Variants in KCNJ3 observed in about 807,000 individuals in gnomAD.
KCNJ3 encodes the protein potassium inwardly rectifying channel subfamily J member 3.
KCNJ3 carries 4 observed loss-of-function variants against 39.2 expected under a neutral mutation model. The observed-to-expected ratio is 0.10, with a 90% CI of 0.05 to 0.23. KCNJ3 has a LOEUF of 0.23. Among genes scored for constraint, KCNJ3 ranks in the 10% least tolerant of loss-of-function variants. The pLI is 1.00. For missense variants in KCNJ3, 276 were observed against 634.9 expected (o/e 0.43, Z 6.08); for synonymous variants, 230 against 237.4 (o/e 0.97, Z 0.29).
At chr2:154,839,661 G>A (rs1687539711) in intron 2 of KCNJ3, among the ~76,000 whole-genome samples, 1 of 152,166 alleles carries the variant, frequency 6.6e-6, no homozygotes, top group Non-Finnish European at 1.5e-5. Context: ...TTGTGGTTTT[G>A]ATTTGCATTT....
intron 2 of KCNJ3, among the ~76,000 whole-genome samples, chr2:154,794,706 T>C (rs1483562919): frequency 6.6e-6 from 1 of 152,062 alleles, no homozygotes. Context: ...TTTTGATGAA[T>C]ACTTCCATTT....
intron 2 of KCNJ3, among the ~76,000 whole-genome samples, chr2:154,751,782 T>C (rs2105182127): frequency 6.6e-6 from 1 of 152,164 alleles, no homozygotes; most frequent in South Asian, 2.1e-4. Context: ...GGCTGATTTC[T>C]TCTGAGGCCT....
At chr2:154,782,658 A>G (rs1044165077) in intron 2 of KCNJ3, among the ~76,000 whole-genome samples, 5 of 152,136 alleles carry the variant, frequency 3.3e-5, no homozygotes, top group Non-Finnish European at 5.9e-5. Flanking sequence ...AGTGCCATGC[A>G]TGACAATAAT....
intron 2 of KCNJ3, among the ~76,000 whole-genome samples, chr2:154,810,335 C>T (rs1021459468): frequency 6.6e-6 from 1 of 152,150 alleles, no homozygotes; most frequent in African/African-American, 2.4e-5. Flanking sequence ...TTGCCTGCCT[C>T]AGCCTCCCAA....
rs1687862893 is a variant in KCNJ3, at chr2:154,857,726, CA to C, written c.*2418del. 1 of 150,742 alleles carries C rather than the reference CA, an allele frequency of 6.6e-6. No individual in the cohort carries two copies. Among genetic ancestry groups the C allele is most frequent in the Non-Finnish European group, 1.5e-5 (1 of 67,696 alleles). The allele number at this position is 150,742 out of a possible 1,614,324, so 9.3% of individuals were successfully genotyped here. A position where few individuals can be genotyped will look rare whatever the true frequency, so the allele number is the denominator to read the frequency against. ...TGAAAACCCGTCTCTACTAAAAATA[CA>C]AAAATTAACTGGGCATGGTGGCAGG... On this transcript the variant is annotated 3_prime_UTR_variant, in exon 3 of 3. Coordinates refer to ENST00000295101, the MANE Select transcript of KCNJ3 (RefSeq NM_002239.4).
intron 2 of KCNJ3, among the ~76,000 whole-genome samples, chr2:154,768,313 G>A (rs543231196): frequency 6.6e-6 from 1 of 152,258 alleles, no homozygotes; most frequent in African/African-American, 2.4e-5. Flanking sequence ...GGTTTTTATG[G>A]TTTTAGGTCT....
At chr2:154,796,037 C>T (rs1029442860) in intron 2 of KCNJ3, among the ~76,000 whole-genome samples, 5 of 152,092 alleles carry the variant, frequency 3.3e-5, no homozygotes, top group African/African-American at 1.2e-4. Context: ...TTGCAAATTT[C>T]CTCATGTGCC....
At chr2:154,848,330 AT>A (rs1047044175) in intron 2 of KCNJ3, among the ~76,000 whole-genome samples, 9 of 152,178 alleles carry the variant, frequency 5.9e-5, no homozygotes, top group Non-Finnish European at 1.3e-4. Flanking sequence ...ATAAAATCTT[AT>A]TTACAGTTTT....
intron 2 of KCNJ3, among the ~76,000 whole-genome samples, chr2:154,832,686 T>G (rs562140799): frequency 6.9e-6 from 1 of 144,602 alleles, no homozygotes; most frequent in East Asian, 2.3e-4. Context: ...AAATGGAGCT[T>G]ATAGAGTGTA....
intron 2 of KCNJ3, among the ~76,000 whole-genome samples, chr2:154,781,327 T>G: frequency 6.6e-6 from 1 of 152,230 alleles, no homozygotes; most frequent in African/African-American, 2.4e-5. Flanking sequence ...ATTAATTCAC[T>G]CTGGAACAGG....
chr2:154,789,012 A>G (rs1686582960), intron 2 of KCNJ3, among the ~76,000 whole-genome samples: 1 of 152,070 alleles, frequency 6.6e-6, no homozygotes, highest in African/African-American at 2.4e-5. Flanking sequence ...GAAGTTTGAG[A>G]AACCATTACC....
chr2:154,782,907 T>G (rs1204089440), intron 2 of KCNJ3, among the ~76,000 whole-genome samples: 1 of 152,162 alleles, frequency 6.6e-6, no homozygotes, highest in Admixed American at 6.5e-5. Context: ...CCAGGTGTGG[T>G]GCCTCACACC....
At chr2:154,791,416 T>C (rs1686632126) in intron 2 of KCNJ3, among the ~76,000 whole-genome samples, 1 of 152,072 alleles carries the variant, frequency 6.6e-6, no homozygotes, top group Non-Finnish European at 1.5e-5. Flanking sequence ...CTTTACCTCA[T>C]TGAATCCTTA....
intron 2 of KCNJ3, among the ~76,000 whole-genome samples, chr2:154,765,734 T>A (rs1686122599): frequency 6.6e-6 from 1 of 152,196 alleles, no homozygotes; most frequent in South Asian, 2.1e-4. Context: ...GTGGAATATT[T>A]TAATCTTCAA....
intron 2 of KCNJ3, among the ~76,000 whole-genome samples, chr2:154,839,271 T>C (rs933331881): frequency 3.9e-4 from 60 of 152,240 alleles, no homozygotes; most frequent in African/African-American, 1.4e-3. Context: ...GCAAAGGATA[T>C]GAACTCATCC....
intron 1 of KCNJ3, among the ~76,000 whole-genome samples, chr2:154,700,844 T>A (rs2105144204): frequency 6.6e-6 from 1 of 152,290 alleles, no homozygotes; most frequent in South Asian, 2.1e-4. Context: ...TCCTGTCACA[T>A]CATATCATAT....
intron 2 of KCNJ3, among the ~76,000 whole-genome samples, chr2:154,810,473 C>G (rs186240978): frequency 6.6e-6 from 1 of 152,048 alleles, no homozygotes; most frequent in East Asian, 1.9e-4. Context: ...GATAAGATAT[C>G]ATAAGGGCCA....
Position 154,770,179 on chromosome 2 carries a change from G to A in KCNJ3, c.919+60360G>A, listed in dbSNP as rs187692887. 2.8e-3 allele frequency among the ~76,000 whole-genome samples: 429 copies of A among 152,240 alleles called. 1 individual carries two copies. Among genetic ancestry groups the A allele is most frequent in the Middle Eastern group, 0.014 (4 of 294 alleles). Reference sequence around the variant, plus strand: ...TATTTGCCACAAAATTTATAATCATGAGCTTTACTTTGCTTCATTACACCT... The same window carrying A: ...TATTTGCCACAAAATTTATAATCATAAGCTTTACTTTGCTTCATTACACCT... On this transcript the variant is annotated intron_variant, in intron 2 of 2. Transcript: ENST00000295101.
At chr2:154,819,494 C>T (rs905908322) in intron 2 of KCNJ3, among the ~76,000 whole-genome samples, 1 of 151,868 alleles carries the variant, frequency 6.6e-6, no homozygotes, top group South Asian at 2.1e-4. Flanking sequence ...ATGATATATT[C>T]TTCTCTAAAC....
Sources: allele counts gnomAD v4.1 joint callset (sites outside exome capture counted in the v4.1 genomes callset), GRCh38; gene constraint gnomAD v4.1.1; transcripts MANE v1.5; gene names NCBI Gene and HGNC (gene_info 2026-07-23, HGNC 2026-07-21).